Variants in WWOX observed in about 807,000 individuals in gnomAD.
The protein encoded by WWOX is WW domain containing oxidoreductase.
WWOX carries 69 observed loss-of-function variants against 46.2 expected under a neutral mutation model. The ratio of observed to expected loss-of-function variants is 1.49; its 90% CI spans 1.23 to 1.82. The LOEUF (loss-of-function observed/expected upper bound fraction) is 1.82, where lower values mean the gene tolerates loss of function less well. Among genes scored for constraint, WWOX ranks in the 40% most tolerant of loss-of-function variants. WWOX has a pLI of 0.00. For missense variants in WWOX, 919 were observed against 542.6 expected (o/e 1.69, Z -6.89); for synonymous variants, 359 against 202.6 (o/e 1.77, Z -6.56).
intron 5 of WWOX, among the ~76,000 whole-genome samples, chr16:78,326,466 G>T (rs1597486594): frequency 6.6e-6 from 1 of 151,438 alleles, no homozygotes; most frequent in Non-Finnish European, 1.5e-5. Context: ...AAGGAAGCTG[G>T]GCCTAGTAAA....
chr16:78,900,051 T>C (rs1365596762), intron 8 of WWOX, among the ~76,000 whole-genome samples: 1 of 139,512 alleles, frequency 7.2e-6, no homozygotes. Flanking sequence ...ATACAAGCCC[T>C]CCTGACTTTT....
intron 4 of WWOX, among the ~76,000 whole-genome samples, chr16:78,142,917 T>G (rs1204369979): frequency 6.6e-6 from 1 of 152,254 alleles, no homozygotes; most frequent in African/African-American, 2.4e-5. Flanking sequence ...AGTCTTACAT[T>G]CACATTTTGT....
chr16:78,743,095 A>T (rs751273729), intron 8 of WWOX, among the ~76,000 whole-genome samples: 2 of 151,934 alleles, frequency 1.3e-5, no homozygotes, highest in Non-Finnish European at 2.9e-5. Flanking sequence ...CGAAGGAAAC[A>T]TCCGTCTCTC....
At chr16:78,954,017 A>T (rs946808037) in intron 8 of WWOX, among the ~76,000 whole-genome samples, 30 of 152,362 alleles carry the variant, frequency 2.0e-4, no homozygotes, top group African/African-American at 7.0e-4. Context: ...CTTTGCTTTC[A>T]TAGGTTATTT....
chr16:78,198,557 A>G (rs1239069614), intron 5 of WWOX, among the ~76,000 whole-genome samples: 1 of 152,178 alleles, frequency 6.6e-6, no homozygotes, highest in Admixed American at 6.5e-5. Flanking sequence ...GGCAACTTCT[A>G]GGAGAAATTT....
intron 8 of WWOX, among the ~76,000 whole-genome samples, chr16:79,036,546 C>T (rs1008887613): frequency 1.3e-5 from 2 of 152,148 alleles, no homozygotes; most frequent in African/African-American, 2.4e-5. Context: ...CTTTCCTCTG[C>T]CTGAATTATC....
chr16:78,713,644 G>A (rs910464872), intron 8 of WWOX, among the ~76,000 whole-genome samples: 2 of 152,210 alleles, frequency 1.3e-5, no homozygotes, highest in Non-Finnish European at 2.9e-5. Flanking sequence ...AAAGACCACA[G>A]TGGCAAAAGA....
rs923628317 is a variant in WWOX at position 78,137,890 on chromosome 16, C to T, written c.409+22736C>T. Among the ~76,000 whole-genome samples the T allele has an allele frequency of 2.0e-5, 3 of 150,722 alleles. 1 individual carries two copies. The highest frequency in any genetic ancestry group is 6.4e-3 in the Middle Eastern group (2 of 314). On this transcript the variant is annotated intron_variant, in intron 4 of 8. Coordinates refer to ENST00000566780, the MANE Select transcript of WWOX (RefSeq NM_016373.4). ...TGATATATGAAAGCAGGTCTTTTTC[C>T]TTATCCGTTTAGACCTAAATCTTAT...
At chr16:78,892,737 G>A (rs902288138) in intron 8 of WWOX, among the ~76,000 whole-genome samples, 1 of 152,196 alleles carries the variant, frequency 6.6e-6, no homozygotes, top group Non-Finnish European at 1.5e-5. Context: ...CCGGTGTCCT[G>A]TTGATGGCAT....
chr16:78,538,054 T>G lies in WWOX; in HGVS notation c.1056+105302T>G, dbSNP rs561228160. 3.9e-5 allele frequency among the ~76,000 whole-genome samples: 6 copies of G among 152,198 alleles called. No individual in the cohort carries two copies. The South Asian group carries it at 1.2e-3, about 32-fold the overall frequency. On this transcript the variant is annotated intron_variant, in intron 8 of 8. Coordinates refer to ENST00000566780, the MANE Select transcript of WWOX (RefSeq NM_016373.4). ...GGCAAATCATGAACACTGTCTTTTT[T>G]CCAGCATGGTATTTTGAGCGGCACA...
chr16:78,846,237 C>T (rs1161341003), intron 8 of WWOX, among the ~76,000 whole-genome samples: 2 of 152,210 alleles, frequency 1.3e-5, no homozygotes, highest in Non-Finnish European at 2.9e-5. Flanking sequence ...CTAATACTAA[C>T]ATGATACATT....
chr16:79,210,992 A>C (rs2051717009), intron 8 of WWOX, among the ~76,000 whole-genome samples: 1 of 150,964 alleles, frequency 6.6e-6, no homozygotes, highest in African/African-American at 2.4e-5. Flanking sequence ...TGGATGAATT[A>C]ATGTGTTATG....
At chr16:78,674,328 A>G (rs762440395) in intron 8 of WWOX, among the ~76,000 whole-genome samples, 3 of 143,054 alleles carry the variant, frequency 2.1e-5, no homozygotes, top group Non-Finnish European at 3.0e-5. Context: ...TCTTTTCCCC[A>G]GGCTGGAGTG....
chr16:79,143,729 G>T (rs1211360935), intron 8 of WWOX, among the ~76,000 whole-genome samples: 12 of 152,136 alleles, frequency 7.9e-5, no homozygotes, highest in Non-Finnish European at 1.5e-4. Context: ...AGGGATAGGT[G>T]CCGGTTTGTC....
chr16:79,080,423 C>G (rs1166351053), intron 8 of WWOX, among the ~76,000 whole-genome samples: 3 of 152,170 alleles, frequency 2.0e-5, no homozygotes, highest in African/African-American at 4.8e-5. Flanking sequence ...TTGCCTAACA[C>G]TGAATCCCAA....
At chr16:78,946,932 T>A (rs1033679255) in intron 8 of WWOX, among the ~76,000 whole-genome samples, 1 of 151,938 alleles carries the variant, frequency 6.6e-6, no homozygotes, top group East Asian at 1.9e-4. Flanking sequence ...TCCTGGAAGA[T>A]TGAGATGAAA....
At chr16:78,880,992 CTTTTTT>C (rs71140838) in intron 8 of WWOX, among the ~76,000 whole-genome samples, 1 of 113,526 alleles carries the variant, frequency 8.8e-6, no homozygotes, top group African/African-American at 3.4e-5. Flanking sequence ...AATTTTTTTT[CTTTTTT>C]TTTTTTTTTT....
chr16:78,316,489 C>T (rs1187638917), intron 5 of WWOX, among the ~76,000 whole-genome samples: 3 of 152,136 alleles, frequency 2.0e-5, no homozygotes, highest in Admixed American at 6.6e-5. Context: ...ATTACAGGTG[C>T]CTGCCACTAT....
At chr16:78,373,140 C>G (rs1166790689) in intron 5 of WWOX, among the ~76,000 whole-genome samples, 7 of 152,100 alleles carry the variant, frequency 4.6e-5, no homozygotes, top group Non-Finnish European at 1.0e-4. Context: ...TTTGTAAAAG[C>G]AGCGTGGAGC....
Sources: gnomAD v4.1 joint callset for allele counts (sites outside exome capture counted in the v4.1 genomes callset) on GRCh38, gnomAD v4.1.1 for gene constraint, MANE v1.5 for transcripts, NCBI Gene and HGNC (gene_info 2026-07-23, HGNC 2026-07-21) for gene names.